GUCY1A2: variants seen among roughly 807,000 people sequenced by gnomAD.
The protein encoded by GUCY1A2 is guanylate cyclase 1 soluble subunit alpha 2.
A neutral mutation model predicts 63.5 loss-of-function variants in GUCY1A2; 27 were observed. That is an observed-to-expected ratio of 0.43 (90% CI 0.31 to 0.59). The LOEUF is 0.59. GUCY1A2 is among the 20% of genes least tolerant of loss of function. GUCY1A2 has a pLI of 0.11. For missense variants in GUCY1A2, 768 were observed against 913.3 expected (o/e 0.84, Z 2.05); for synonymous variants, 364 against 343.5 (o/e 1.06, Z -0.66).
intron 5 of GUCY1A2, among the ~76,000 whole-genome samples, chr11:106,783,600 C>T (rs1864505297): frequency 6.6e-6 from 1 of 152,156 alleles, no homozygotes; most frequent in Non-Finnish European, 1.5e-5. Flanking sequence ...TGATATCCTG[C>T]TCCTACAGGA....
intron 1 of GUCY1A2, among the ~76,000 whole-genome samples, chr11:106,998,638 C>T (rs1311239561): frequency 2.0e-5 from 3 of 152,068 alleles, no homozygotes; most frequent in Non-Finnish European, 4.4e-5. Flanking sequence ...CAGTATGGGG[C>T]ATGCATTATT....
intron 6 of GUCY1A2, among the ~76,000 whole-genome samples, chr11:106,709,911 A>ATAACATATAGTTATATATTATATACATG (rs1863061748): frequency 3.8e-4 from 1 of 2,634 alleles, no homozygotes; most frequent in African/African-American, 9.1e-4. Flanking sequence ...TAGAATAGTT[A>ATAACATATAGTTATATATTATATACATG]TATATAACAT....
At chr11:106,985,919 C>T (rs745693636) in intron 2 of GUCY1A2, 151 bp downstream of exon 2, 90 of 586,652 alleles carry the variant, frequency 1.5e-4, no homozygotes, top group Non-Finnish European at 2.5e-4. Context: ...AAGGGACTCC[C>T]CCAATAAGCC....
intron 6 of GUCY1A2, among the ~76,000 whole-genome samples, chr11:106,770,439 GTAAT>G (rs1039114863): frequency 2.0e-5 from 3 of 152,100 alleles, no homozygotes; most frequent in African/African-American, 7.2e-5. Flanking sequence ...AGTGCCAACT[GTAAT>G]TAGTTTTTCT....
At chr11:106,952,188 T>C (rs900194836) in intron 3 of GUCY1A2, among the ~76,000 whole-genome samples, 1 of 152,206 alleles carries the variant, frequency 6.6e-6, no homozygotes. Flanking sequence ...TCCAGCTTTG[T>C]TCTTTTTGCT....
chr11:106,738,284 G>C (rs1863626081), intron 6 of GUCY1A2, among the ~76,000 whole-genome samples: 1 of 152,048 alleles, frequency 6.6e-6, no homozygotes, highest in Admixed American at 6.6e-5. Flanking sequence ...GTAGAATCTG[G>C]GTATTAGCCC....
At chr11:106,688,116 T>C (rs1862560204) in intron 7 of GUCY1A2, among the ~76,000 whole-genome samples, 1 of 152,216 alleles carries the variant, frequency 6.6e-6, no homozygotes, top group African/African-American at 2.4e-5. Context: ...ATTTCAAGCA[T>C]GCAGGATTTA....
rs1467865226 is a variant in GUCY1A2, at chr11:106,982,146, A to G, written c.366-3406T>C. Reference sequence around the variant, plus strand: ...TTAAGTAACCTTCCCAAGATTATTCATAGCAAAACCTGACTATATGTCTAG... The same window carrying G: ...TTAAGTAACCTTCCCAAGATTATTCGTAGCAAAACCTGACTATATGTCTAG... On this transcript the variant is annotated intron_variant, in intron 2 of 7. Coordinates refer to ENST00000526355, the MANE Select transcript of GUCY1A2 (RefSeq NM_000855.3). Among the ~76,000 whole-genome samples the G allele has an allele frequency of 2.0e-5, 3 of 152,354 alleles. No homozygotes were observed. The South Asian group carries it at 6.2e-4, about 32-fold the overall frequency.
At chr11:106,834,783 G>A in intron 4 of GUCY1A2, among the ~76,000 whole-genome samples, 1 of 151,992 alleles carries the variant, frequency 6.6e-6, no homozygotes, top group East Asian at 1.9e-4. Context: ...GATAGCTTGA[G>A]GGTAAATGCC....
intron 1 of GUCY1A2, among the ~76,000 whole-genome samples, chr11:106,999,252 A>G (rs919939359): frequency 6.6e-6 from 1 of 152,214 alleles, no homozygotes; most frequent in Non-Finnish European, 1.5e-5. Context: ...TGATACAGGA[A>G]TAAAGACAGA....
intron 5 of GUCY1A2, among the ~76,000 whole-genome samples, chr11:106,796,776 T>C (rs887546350): frequency 6.6e-6 from 1 of 152,050 alleles, no homozygotes; most frequent in Non-Finnish European, 1.5e-5. Context: ...TCTCAAGGAG[T>C]ATCTTTGTGG....
At chr11:106,795,527 C>T (rs1412944872) in intron 5 of GUCY1A2, among the ~76,000 whole-genome samples, 1 of 152,186 alleles carries the variant, frequency 6.6e-6, no homozygotes, top group African/African-American at 2.4e-5. Flanking sequence ...TAGACTCCAA[C>T]ACATGTGCAC....
At chr11:106,708,265 A>G (rs1200264836) in intron 7 of GUCY1A2, among the ~76,000 whole-genome samples, 1 of 152,134 alleles carries the variant, frequency 6.6e-6, no homozygotes, top group African/African-American at 2.4e-5. Flanking sequence ...CTTAAGAAGG[A>G]CAGAGACTGT....
In GUCY1A2 at chr11:106,915,884, C is replaced by T. The variant is rs770429325; in HGVS notation, c.1206+23576G>A. Reference sequence around the variant, plus strand: ...GGATTTAAGAACAACTGAAAAACAGCCTTCTGGGACCTAACCTGAAATAGA... The same window carrying T: ...GGATTTAAGAACAACTGAAAAACAGTCTTCTGGGACCTAACCTGAAATAGA... On this transcript the variant is annotated intron_variant, in intron 4 of 7. Coordinates refer to ENST00000526355, the MANE Select transcript of GUCY1A2 (RefSeq NM_000855.3). 1.3e-4 allele frequency among the ~76,000 whole-genome samples: 19 copies of T among 144,568 alleles called. 5 individuals are homozygous for T. The highest frequency in any genetic ancestry group is 2.2e-4 in the Non-Finnish European group (14 of 64,400). 94.8% of individuals were successfully genotyped at this position (144,568 alleles called of 152,430 possible). A position where few individuals can be genotyped will look rare whatever the true frequency, so the allele number is the denominator to read the frequency against.
chr11:106,674,715 A>G lies in GUCY1A2; in HGVS notation c.*12834T>C, dbSNP rs1862316440. On this transcript the variant is annotated 3_prime_UTR_variant, in exon 8 of 8. Transcript: ENST00000526355. ...AGATATTATTCACAAAGTAAATCTA[A>G]TAACAAAGGAGCAGATATACAATAT... 1 of 199,170 alleles carries G rather than the reference A, an allele frequency of 5.0e-6. No individual in the cohort carries two copies. Among genetic ancestry groups the G allele is most frequent in the African/African-American group, 2.3e-5 (1 of 43,462 alleles). 12.3% of individuals were successfully genotyped at this position (199,170 alleles called of 1,614,324 possible).
At chr11:106,839,072 A>G (rs543492599) in intron 4 of GUCY1A2, among the ~76,000 whole-genome samples, 1 of 152,180 alleles carries the variant, frequency 6.6e-6, no homozygotes, top group South Asian at 2.1e-4. Context: ...CCTGAATGGT[A>G]TTGCCTAGTT....
chr11:106,839,563 T>C (rs1859167226), intron 4 of GUCY1A2, among the ~76,000 whole-genome samples: 1 of 151,918 alleles, frequency 6.6e-6, no homozygotes, highest in Admixed American at 6.6e-5. Flanking sequence ...TGCACACGTA[T>C]GTTTATTGCG....
At chr11:106,864,965 C>T (rs571593867) in intron 4 of GUCY1A2, among the ~76,000 whole-genome samples, 38 of 152,008 alleles carry the variant, frequency 2.5e-4, no homozygotes, top group Middle Eastern at 6.8e-3. Flanking sequence ...CTTTTTCTAC[C>T]GTTTGGAATG....
chr11:106,769,420 T>G (rs1307690465), intron 6 of GUCY1A2, among the ~76,000 whole-genome samples: 1 of 150,264 alleles, frequency 6.7e-6, no homozygotes, highest in East Asian at 1.9e-4. Flanking sequence ...AGGGAAGTAT[T>G]GGCAAGTTGG....
Sources: allele counts gnomAD v4.1 joint callset (sites outside exome capture counted in the v4.1 genomes callset), GRCh38; gene constraint gnomAD v4.1.1; transcripts MANE v1.5; gene names NCBI Gene and HGNC (gene_info 2026-07-23, HGNC 2026-07-21).